The following RND2 variants were observed in gnomAD, a reference collection of about 807,000 sequenced individuals.
The protein encoded by RND2 is rho-related GTP-binding protein RhoN.
RND2 carries 16 observed loss-of-function variants against 25.9 expected under a neutral mutation model. The observed-to-expected ratio is 0.62, with a 90% confidence interval of 0.42 to 0.94. RND2 has a LOEUF of 0.94. Ranked by LOEUF, RND2 falls within the 40% of genes least tolerant of loss-of-function variation. The pLI is 0.00. For synonymous variants in RND2, 97 were observed against 118.1 expected (o/e 0.82, Z 1.16); for missense variants, 276 against 305.5 (o/e 0.90, Z 0.72).
At position 43,028,434 on chromosome 17, in the gene RND2, C is replaced by T. The variant is rs199848737; in HGVS notation, c.438C>T (p.Gly146=). ...CCATGCACTCCTTCCTTTTCCAGGG[C>T]ACTGTGCTGGCCAAGCAGGTGGGGG... The part of the protein sequence containing the change: ...QRLIPVTHEQ[G]TVLAKQVGAV... Residue 146 remains glycine (G), a splice_region_variant and synonymous_variant, in exon 5 of 5, where the codon GGC becomes GGT. Coordinates refer to ENST00000587250, the MANE Select transcript of RND2 (RefSeq NM_005440.5). 3.7e-6 allele frequency: 6 copies of T among 1,613,342 alleles called. No individual in the cohort carries two copies. The highest frequency in any genetic ancestry group is 1.7e-4 in the Middle Eastern group (1 of 6,058).
Position 43,028,691 on chromosome 17 carries a change from G to A in RND2, c.*11G>A. The A allele has an allele frequency of 6.4e-7, 1 of 1,553,024 alleles. No homozygotes were observed. ...TGCAACCTCATGTGAGGGGCTAGGA[G>A]AGGGCAGAGTGTGAAGAGGGGTGGT... On this transcript the variant is annotated 3_prime_UTR_variant, in exon 5 of 5. Transcript: ENST00000587250.
rs143507179 is a variant in RND2 at position 43,028,595 on chromosome 17, G to A, written c.599G>A (p.Arg200Gln). The change falls in exon 5 of 5, where the codon CGA becomes CAA. Residue 200 changes from arginine to glutamine, a missense_variant. Coordinates refer to ENST00000587250, the MANE Select transcript of RND2 (RefSeq NM_005440.5). ...RRTDSRRGMQ[R>Q]SAQLSGRPDR... ...ACTGACTCACGCCGGGGAATGCAGC[G>A]ATCCGCTCAGCTGTCAGGACGGCCA... is the stretch of plus-strand genomic sequence containing the variant. 68 of 1,613,938 alleles carry A rather than the reference G, an allele frequency of 4.2e-5. No individual in the cohort carries two copies. In the African/African-American group the frequency reaches 5.5e-4, roughly 13 times the overall value.
chr17:43,028,760 C>G lies in RND2; in HGVS notation c.*80C>G, dbSNP rs1487351422. ...CCTGCCTGCGCCCAGGCTTCCTGAC[C>G]TCCTGATCCTGGCTGGGAAGTTAGG... is the stretch of plus-strand genomic sequence containing the variant. On this transcript the variant is annotated 3_prime_UTR_variant, in exon 5 of 5. Transcript: ENST00000587250. 10 of 1,479,962 alleles carry G rather than the reference C, an allele frequency of 6.8e-6. No individual in the cohort carries two copies. Among genetic ancestry groups the G allele is most frequent in the Non-Finnish European group, 9.0e-6 (10 of 1,112,332 alleles). The allele number at this position is 1,479,962 out of a possible 1,614,324, so 91.7% of individuals were successfully genotyped here. A position where few individuals can be genotyped will look rare whatever the true frequency, so the allele number is the denominator to read the frequency against.
At position 43,028,464 on chromosome 17, in the gene RND2, G is replaced by A. The variant is rs777570832; in HGVS notation, c.468G>A (p.Val156=). 2.5e-6 allele frequency: 4 copies of A among 1,614,218 alleles called. No individual in the cohort carries two copies. Among genetic ancestry groups the A allele is most frequent in the East Asian group, 2.2e-5 (1 of 44,880 alleles). ...GTVLAKQVGA[V]SYVECSSRSS... ...TGCTGGCCAAGCAGGTGGGGGCTGT[G>A]TCCTATGTTGAGTGCTCCTCCCGGT... is the stretch of plus-strand genomic sequence containing the variant. Residue 156 remains valine (V), a synonymous_variant, in exon 5 of 5, where the codon GTG becomes GTA. Coordinates refer to ENST00000587250, the MANE Select transcript of RND2 (RefSeq NM_005440.5).
chr17:43,029,139 A>C lies in RND2; in HGVS notation c.*459A>C. ...GGCAACATGCACTAAATTCAAAAGC[A>C]AGGAGAAGCCCTTGCCCCCCATCAG... On this transcript the variant is annotated 3_prime_UTR_variant, in exon 5 of 5. Transcript: ENST00000587250. 1 of 163,222 alleles carries C rather than the reference A, an allele frequency of 6.1e-6. No individual in the cohort carries two copies. Among genetic ancestry groups the C allele is most frequent in the East Asian group, 1.7e-4 (1 of 5,840 alleles). The allele number at this position is 163,222 out of a possible 1,614,324, so 10.1% of individuals were successfully genotyped here.
intron 4 of RND2, 38 bp downstream of exon 4, chr17:43,028,233 C>T: frequency 6.2e-7 from 1 of 1,612,242 alleles, no homozygotes; most frequent in Non-Finnish European, 8.5e-7. Flanking sequence ...CCAGCCTAGA[C>T]CTGTCACCTC....
At chr17:43,025,510 C>T (rs2050613489) in intron 1 of RND2, 61 bp downstream of exon 1, 1 of 1,518,996 alleles carries the variant, frequency 6.6e-7, no homozygotes, top group African/African-American at 1.4e-5. Context: ...GTGACAGGGG[C>T]CCTGGCGACG....
chr17:43,026,444 GT>G (rs1473160261), intron 2 of RND2, among the ~76,000 whole-genome samples: 1 of 152,228 alleles, frequency 6.6e-6, no homozygotes, highest in East Asian at 1.9e-4. Context: ...GAGGTCAGGA[GT>G]TTGAGACCAG....
At position 43,028,810 on chromosome 17, in the gene RND2, C is replaced by CAGGGGAGCTGGAGGGCAGA; in HGVS notation, c.*135_*153dup. ...GGCAGGCAGAGCGAGCAATTCTGGG[C>CAGGGGAGCTGGAGGGCAGA]AGGGGAGCTGGAGGGCAGAAGGGTA... On this transcript the variant is annotated 3_prime_UTR_variant, in exon 5 of 5. Coordinates refer to ENST00000587250, the MANE Select transcript of RND2 (RefSeq NM_005440.5). 1 of 1,360,320 alleles carries CAGGGGAGCTGGAGGGCAGA rather than the reference C, an allele frequency of 7.4e-7. No homozygotes were observed. Among genetic ancestry groups the CAGGGGAGCTGGAGGGCAGA allele is most frequent in the Non-Finnish European group, 9.9e-7 (1 of 1,015,220 alleles). The allele number at this position is 1,360,320 out of a possible 1,614,324, so 84.3% of individuals were successfully genotyped here. A position where few individuals can be genotyped will look rare whatever the true frequency, so the allele number is the denominator to read the frequency against.
chr17:43,025,284 C>T lies in RND2; in HGVS notation c.-64C>T. On this transcript the variant is annotated 5_prime_UTR_variant, in exon 1 of 5. Coordinates refer to ENST00000587250, the MANE Select transcript of RND2 (RefSeq NM_005440.5). ...GCCCGAGCGGCTGCAGTTGCAGGGG[C>T]GGGGGAGGCGGCGGCGGGGCCCGGG... 1.5e-6 allele frequency: 2 copies of T among 1,334,936 alleles called. No individual in the cohort carries two copies. 82.7% of individuals were successfully genotyped at this position (1,334,936 alleles called of 1,614,324 possible).
In RND2 at chr17:43,025,917, G is replaced by A. The variant is rs370206545; in HGVS notation, c.103-43G>A. 9.5e-6 allele frequency: 14 copies of A among 1,467,156 alleles called. No individual in the cohort carries two copies. In the African/African-American group the frequency reaches 1.5e-4, roughly 16 times the overall value. 90.9% of individuals were successfully genotyped at this position (1,467,156 alleles called of 1,614,324 possible). A position where few individuals can be genotyped will look rare whatever the true frequency, so the allele number is the denominator to read the frequency against. ...GAGGAGGGCATTTATCTGGGGTGAG[G>A]ACTTGGAGAGATGATCTCATCTGGA... On this transcript the variant is annotated intron_variant, in intron 1 of 4. Coordinates refer to ENST00000587250, the MANE Select transcript of RND2 (RefSeq NM_005440.5).
In RND2 at chr17:43,028,638, C is replaced by T. The variant is rs759647649; in HGVS notation, c.642C>T (p.Gly214=). ...LSGRPDRGNE[G]EIHKDRAKSC... ...GACGGCCAGACCGGGGGAATGAGGG[C>T]GAGATACACAAGGATCGAGCCAAAA... Residue 214 remains glycine, a synonymous_variant, in exon 5 of 5, where the codon GGC becomes GGT. Coordinates refer to ENST00000587250, the MANE Select transcript of RND2 (RefSeq NM_005440.5). The T allele has an allele frequency of 3.2e-5, 51 of 1,604,876 alleles. No individual in the cohort carries two copies. Among genetic ancestry groups the T allele is most frequent in the Non-Finnish European group, 4.1e-5 (48 of 1,175,602 alleles).
intron 4 of RND2, 98 bp from the exon 5 acceptor site, chr17:43,028,334 A>G (rs2151974796): frequency 6.3e-7 from 1 of 1,582,058 alleles, no homozygotes; most frequent in Middle Eastern, 1.7e-4. Context: ...GACTGCCCCC[A>G]GCCTTGACAT....
At chr17:43,027,316 A>C (rs2050631367) in intron 3 of RND2, 24 bp downstream of exon 3, 1 of 1,522,498 alleles carries the variant, frequency 6.6e-7, no homozygotes, top group Non-Finnish European at 9.0e-7. Flanking sequence ...GAAATAGGGC[A>C]GCTAGACTGA....
Position 43,026,094 on chromosome 17 carries a change from C to A in RND2, c.190+47C>A, listed in dbSNP as rs537385290. ...ACCCTGACTTCCAAGGCGGCCCACT[C>A]TGTCCCCTCCCTTGGTTAGACCCTT... is the stretch of plus-strand genomic sequence containing the variant. On this transcript the variant is annotated intron_variant, in intron 2 of 4. Coordinates refer to ENST00000587250, the MANE Select transcript of RND2 (RefSeq NM_005440.5). 5.8e-6 allele frequency: 8 copies of A among 1,369,912 alleles called. No individual in the cohort carries two copies. The African/African-American group carries it at 1.0e-4, about 17-fold the overall frequency. The allele number at this position is 1,369,912 out of a possible 1,614,324, so 84.9% of individuals were successfully genotyped here. A position where few individuals can be genotyped will look rare whatever the true frequency, so the allele number is the denominator to read the frequency against.
intron 3 of RND2, among the ~76,000 whole-genome samples, chr17:43,027,676 A>G (rs1318650467): frequency 1.4e-5 from 2 of 144,236 alleles, no homozygotes; most frequent in Admixed American, 6.8e-5. Context: ...GACAAAAGCC[A>G]GGGGTGAATG....
Position 43,028,643 on chromosome 17 carries a change from T to G in RND2, c.647T>G (p.Ile216Arg), listed in dbSNP as rs746429943. ...GRPDRGNEGE[I>R]HKDRAKSCNL... ...CCAGACCGGGGGAATGAGGGCGAGATACACAAGGATCGAGCCAAAAGCTGC... is the reference window on the plus strand; with the variant it reads ...CCAGACCGGGGGAATGAGGGCGAGAGACACAAGGATCGAGCCAAAAGCTGC... Residue 216 changes from isoleucine to arginine, a missense_variant, in exon 5 of 5, where the codon ATA (isoleucine) becomes AGA (arginine). Physicochemically the swap from Ile to Arg is moderately conservative, Grantham distance 97 (BLOSUM62 -3). Transcript: ENST00000587250. 2.2e-5 allele frequency: 35 copies of G among 1,600,904 alleles called. No homozygotes were observed. The highest frequency in any genetic ancestry group is 3.0e-5 in the Non-Finnish European group (35 of 1,173,510).
Position 43,028,671 on chromosome 17 carries a change from C to A in RND2, c.675C>A (p.Asn225Lys). Residue 225 changes from asparagine (N) to lysine (K), a missense_variant, in exon 5 of 5, where the codon AAC (asparagine) becomes AAA (lysine). Transcript: ENST00000587250. ...ACAAGGATCGAGCCAAAAGCTGCAA[C>A]CTCATGTGAGGGGCTAGGAGAGGGC... ...EIHKDRAKSC[N>K]LM The A allele has an allele frequency of 6.3e-7, 1 of 1,575,118 alleles. No individual in the cohort carries two copies.
chr17:43,027,962 C>T (rs748875942), intron 3 of RND2, 99 bp from the exon 4 acceptor site: 646 of 1,376,520 alleles, frequency 4.7e-4, no homozygotes, highest in Non-Finnish European at 6.2e-4. Context: ...ATGGTTTCTG[C>T]GTGCTTGAGG....
Sources: gnomAD v4.1 joint callset for allele counts (sites outside exome capture counted in the v4.1 genomes callset) on GRCh38, gnomAD v4.1.1 for gene constraint, MANE v1.5 for transcripts, NCBI Gene and HGNC (gene_info 2026-07-23, HGNC 2026-07-21) for gene names.